MBNL2: variants seen among roughly 807,000 people sequenced by gnomAD.
MBNL2 encodes the protein muscleblind like splicing regulator 2.
MBNL2 carries 17 observed loss-of-function variants against 41.9 expected under a neutral mutation model. The ratio of observed to expected loss-of-function variants is 0.41; its 90% CI spans 0.28 to 0.61. MBNL2 has a LOEUF of 0.61. Among genes scored for constraint, MBNL2 ranks in the 20% least tolerant of loss-of-function variants. The pLI is 0.35. For synonymous variants in MBNL2, 195 were observed against 182.9 expected (o/e 1.07, Z -0.53); for missense variants, 336 against 505.6 (o/e 0.66, Z 3.22).
the MBNL2 span, among the ~76,000 whole-genome samples, chr13:97,158,112 G>A: frequency 2.6e-5 from 4 of 151,912 alleles, no homozygotes; most frequent in Admixed American, 2.0e-4. Context: ...CTTCTTCCTT[G>A]TTTAGTCTTG....
At chr13:97,371,437 A>G (rs1347979106) in intron 8 of MBNL2, among the ~76,000 whole-genome samples, 1 of 152,188 alleles carries the variant, frequency 6.6e-6, no homozygotes, top group East Asian at 1.9e-4. Context: ...GTCTACAAAG[A>G]AAGCTGGGGA....
the MBNL2 span, among the ~76,000 whole-genome samples, chr13:97,158,751 G>A: frequency 6.6e-6 from 1 of 152,008 alleles, no homozygotes; most frequent in African/African-American, 2.4e-5. Context: ...TTGCACTGTG[G>A]TCTGAGAGAT....
chr13:97,210,854 CA>C, the MBNL2 span, among the ~76,000 whole-genome samples: 1 of 151,928 alleles, frequency 6.6e-6, no homozygotes, highest in Non-Finnish European at 1.5e-5. Flanking sequence ...AGACCAAAGT[CA>C]GTATTGAAAC....
chr13:97,300,382 T>A (rs1014554088), intron 2 of MBNL2, among the ~76,000 whole-genome samples: 2 of 152,204 alleles, frequency 1.3e-5, no homozygotes, highest in African/African-American at 4.8e-5. Flanking sequence ...CAGAGACCGA[T>A]TTCATAGAAG....
At chr13:97,277,600 AT>A (rs2052433644) in intron 2 of MBNL2, among the ~76,000 whole-genome samples, 1 of 152,212 alleles carries the variant, frequency 6.6e-6, no homozygotes, top group African/African-American at 2.4e-5. Flanking sequence ...CTTCAAACTT[AT>A]ATTTAAGTTT....
intron 2 of MBNL2, among the ~76,000 whole-genome samples, chr13:97,299,169 C>T (rs2057356514): frequency 6.6e-6 from 1 of 152,048 alleles, no homozygotes; most frequent in African/African-American, 2.4e-5. Context: ...TACTAGATTC[C>T]AGCTACTTTC....
chr13:97,256,745 G>T (rs2047622074), intron 1 of MBNL2, among the ~76,000 whole-genome samples: 1 of 152,188 alleles, frequency 6.6e-6, no homozygotes, highest in Admixed American at 6.5e-5. Flanking sequence ...CTGAAGTTTT[G>T]AGTTCATTGG....
the MBNL2 span, among the ~76,000 whole-genome samples, chr13:97,204,592 A>G: frequency 6.6e-6 from 1 of 152,188 alleles, no homozygotes; most frequent in South Asian, 2.1e-4. Context: ...ACTTTCAGGA[A>G]GAAAAAAAAC....
the MBNL2 span, among the ~76,000 whole-genome samples, chr13:97,176,265 G>A: frequency 6.6e-6 from 1 of 152,164 alleles, no homozygotes; most frequent in Admixed American, 6.5e-5. Context: ...TATATTTTGA[G>A]GGTGATTGAT....
chr13:97,313,070 T>C (rs191795316), intron 2 of MBNL2, among the ~76,000 whole-genome samples: 1 of 152,216 alleles, frequency 6.6e-6, no homozygotes, highest in African/African-American at 2.4e-5. Context: ...GGAAAATAAA[T>C]TCTAGAAATT....
intron 7 of MBNL2, among the ~76,000 whole-genome samples, chr13:97,361,856 G>A (rs897773474): frequency 9.4e-5 from 12 of 127,516 alleles, no homozygotes; most frequent in East Asian, 5.4e-4. Context: ...TGCAACCTCC[G>A]CCTCCCGGGT....
intron 1 of MBNL2, among the ~76,000 whole-genome samples, chr13:97,251,322 T>C (rs2046454959): frequency 1.3e-5 from 2 of 151,980 alleles, no homozygotes. Context: ...TTTACCCTGA[T>C]GTGATTATTA....
chr13:97,282,982 A>C (rs10467250), intron 2 of MBNL2, among the ~76,000 whole-genome samples: 15,116 of 152,228 alleles, frequency 0.099, 2,179 homozygotes, highest in African/African-American at 0.32. Context: ...CTGCTCCATC[A>C]GTGATCTCCA....
the MBNL2 span, among the ~76,000 whole-genome samples, chr13:97,176,509 T>A: frequency 6.6e-6 from 1 of 152,150 alleles, no homozygotes; most frequent in Non-Finnish European, 1.5e-5. Flanking sequence ...CCTGCCCATG[T>A]GAACCTCAAA....
At chr13:97,342,096 A>G (rs1323493798) in intron 3 of MBNL2, among the ~76,000 whole-genome samples, 1 of 152,234 alleles carries the variant, frequency 6.6e-6, no homozygotes, top group East Asian at 1.9e-4. Context: ...ATTCTAAGAA[A>G]AATCTTTAGA....
chr13:97,246,781 G>A (rs536157014), intron 1 of MBNL2, among the ~76,000 whole-genome samples: 3 of 152,228 alleles, frequency 2.0e-5, no homozygotes, highest in Admixed American at 6.5e-5. Flanking sequence ...TCCTCCAGAC[G>A]GGCTTTTTCC....
chr13:97,193,826 T>C, the MBNL2 span, among the ~76,000 whole-genome samples: 38,838 of 152,046 alleles, frequency 0.26, 7,756 homozygotes, highest in African/African-American at 0.56. Context: ...TAACTGTCTT[T>C]CTCGAGCATC....
Position 97,280,364 on chromosome 13 carries a change from T to G in MBNL2, c.174+3955T>G, listed in dbSNP as rs553611672. 6.6e-5 allele frequency among the ~76,000 whole-genome samples: 10 copies of G among 152,322 alleles called. No individual in the cohort carries two copies. The East Asian group carries it at 1.9e-3, about 29-fold the overall frequency. On this transcript the variant is annotated intron_variant, in intron 2 of 8. Transcript: ENST00000679496. Reference sequence around the variant, plus strand: ...CACTTTCGGGAAGTATTTATTTGCTTAAACATTTGAATTCACACTCAGCTT... The same window carrying G: ...CACTTTCGGGAAGTATTTATTTGCTGAAACATTTGAATTCACACTCAGCTT...
the MBNL2 span, among the ~76,000 whole-genome samples, chr13:97,152,430 C>T: frequency 6.6e-6 from 1 of 152,068 alleles, no homozygotes. Flanking sequence ...TGAGTTTTCA[C>T]ATTAAAAGTA....
Sources: allele counts gnomAD v4.1 joint callset (sites outside exome capture counted in the v4.1 genomes callset), GRCh38; gene constraint gnomAD v4.1.1; transcripts MANE v1.5; gene names NCBI Gene and HGNC (gene_info 2026-07-23, HGNC 2026-07-21).